RCBTB2: variants seen among roughly 807,000 people sequenced by gnomAD.
RCBTB2 encodes the protein RCC1 and BTB domain containing protein 2.
RCBTB2 carries 55 observed loss-of-function variants against 65.4 expected under a neutral mutation model. The ratio of observed to expected loss-of-function variants is 0.84; its 90% confidence interval spans 0.68 to 1.05. The LOEUF is 1.05. Among genes scored for constraint, RCBTB2 ranks in the 50% least tolerant of loss-of-function variants. The pLI is 0.00. For missense variants in RCBTB2, 599 were observed against 680.1 expected (o/e 0.88, Z 1.33); for synonymous variants, 220 against 255.2 (o/e 0.86, Z 1.31).
At chr13:48,526,970 T>C (rs532075768) in intron 1 of RCBTB2, among the ~76,000 whole-genome samples, 2 of 152,034 alleles carry the variant, frequency 1.3e-5, no homozygotes, top group African/African-American at 4.8e-5. Context: ...AAATAACATA[T>C]CCAATGAGTA....
At chr13:48,497,124 A>T (rs550101712) in intron 13 of RCBTB2, among the ~76,000 whole-genome samples, 1 of 152,268 alleles carries the variant, frequency 6.6e-6, no homozygotes, top group South Asian at 2.1e-4. Context: ...ACAGAATTTG[A>T]TATGGTTGAT....
intron 9 of RCBTB2, 93 bp downstream of exon 9, chr13:48,511,677 T>C (rs1950801874): frequency 1.8e-6 from 2 of 1,115,400 alleles, no homozygotes; most frequent in African/African-American, 3.2e-5. Flanking sequence ...GCTAAACTTT[T>C]CATCCTGCCA....
intron 14 of RCBTB2, among the ~76,000 whole-genome samples, chr13:48,491,396 AT>A (rs1949694579): frequency 6.6e-6 from 1 of 152,186 alleles, no homozygotes; most frequent in South Asian, 2.1e-4. Flanking sequence ...CAGCAATATG[AT>A]GTGTCTCTGT....
intron 12 of RCBTB2, among the ~76,000 whole-genome samples, chr13:48,500,330 C>T (rs1473166275): frequency 2.0e-5 from 3 of 152,176 alleles, no homozygotes; most frequent in African/African-American, 7.2e-5. Context: ...AAGGCCGAGG[C>T]GGGTGGATCA....
chr13:48,526,341 G>A (rs1461508228), intron 1 of RCBTB2, among the ~76,000 whole-genome samples: 2 of 152,042 alleles, frequency 1.3e-5, no homozygotes, highest in Non-Finnish European at 2.9e-5. Flanking sequence ...TTTGAGACTA[G>A]CCTGGGCAAC....
Position 48,532,747 on chromosome 13 carries a change from G to A in RCBTB2, c.-219+281C>T, listed in dbSNP as rs370374256. The A allele has an allele frequency of 1.3e-3, 396 of 299,300 alleles. 3 individuals are homozygous for A. Among genetic ancestry groups the A allele is most frequent in the South Asian group, 4.2e-3 (175 of 41,340 alleles). 18.5% of individuals were successfully genotyped at this position (299,300 alleles called of 1,614,324 possible). ...AGCAGCGCACCGGGCCCACGCCAGC[G>A]GAATTGCGCATGCGCAGGGCCGCCT... On this transcript the variant is annotated intron_variant, in intron 1 of 14. Transcript: ENST00000344532.
intron 1 of RCBTB2, among the ~76,000 whole-genome samples, chr13:48,526,352 A>G (rs1405142521): frequency 2.0e-5 from 3 of 152,082 alleles, no homozygotes; most frequent in Non-Finnish European, 4.4e-5. Flanking sequence ...CCTGGGCAAC[A>G]TAGGAAGACA....
chr13:48,496,627 A>G (rs973561998), intron 13 of RCBTB2, among the ~76,000 whole-genome samples: 1 of 151,364 alleles, frequency 6.6e-6, no homozygotes, highest in African/African-American at 2.4e-5. Flanking sequence ...TTCCCCTGCA[A>G]TCTCAATGTC....
chr13:48,491,722 A>G (rs1196795900), intron 14 of RCBTB2: 1 of 152,210 alleles, frequency 6.6e-6, no homozygotes, highest in African/African-American at 2.4e-5. Context: ...AGATCTGGAC[A>G]GCATCAGGAA....
chr13:48,531,049 A>C (rs1299979429), intron 1 of RCBTB2, among the ~76,000 whole-genome samples: 7 of 152,142 alleles, frequency 4.6e-5, no homozygotes, highest in Admixed American at 3.9e-4. Context: ...CTGCACTCCC[A>C]ATTCCCTTTC....
intron 2 of RCBTB2, among the ~76,000 whole-genome samples, chr13:48,522,755 G>A (rs1056641587): frequency 2.0e-5 from 3 of 152,126 alleles, no homozygotes; most frequent in African/African-American, 4.8e-5. Flanking sequence ...TCTAATTGAC[G>A]AGGTAGGGTC....
chr13:48,508,499 G>A (rs749721215), intron 10 of RCBTB2, among the ~76,000 whole-genome samples: 2 of 151,920 alleles, frequency 1.3e-5, no homozygotes, highest in Non-Finnish European at 2.9e-5. Context: ...CACTTCCTGG[G>A]GTCAAGGGAT....
chr13:48,526,397 G>A (rs1593805382), intron 1 of RCBTB2, among the ~76,000 whole-genome samples: 1 of 152,038 alleles, frequency 6.6e-6, no homozygotes, highest in Non-Finnish European at 1.5e-5. Flanking sequence ...TTAGCTACAC[G>A]TGGTAGTACA....
At chr13:48,491,607 A>G (rs1343380321) in intron 14 of RCBTB2, 1 of 152,254 alleles carries the variant, frequency 6.6e-6, no homozygotes, top group East Asian at 1.9e-4. Context: ...GAGATGCATC[A>G]TCTCTTTGGC....
intron 2 of RCBTB2, among the ~76,000 whole-genome samples, chr13:48,524,035 T>C (rs1277091105): frequency 6.6e-6 from 1 of 152,136 alleles, no homozygotes; most frequent in Non-Finnish European, 1.5e-5. Context: ...GATTTAAAAA[T>C]AAATCAAGAT....
At chr13:48,529,545 A>T (rs938115284) in intron 1 of RCBTB2, among the ~76,000 whole-genome samples, 11 of 152,226 alleles carry the variant, frequency 7.2e-5, no homozygotes, top group Non-Finnish European at 5.9e-5. Flanking sequence ...GCCAATTAGC[A>T]AGGCTGAAGA....
intron 13 of RCBTB2, among the ~76,000 whole-genome samples, chr13:48,496,687 C>T (rs2138422332): frequency 6.7e-6 from 1 of 150,122 alleles, no homozygotes; most frequent in African/African-American, 2.5e-5. Context: ...TGTAAGAGTG[C>T]CCGCCGTGAA....
intron 10 of RCBTB2, among the ~76,000 whole-genome samples, chr13:48,508,470 G>A (rs574755483): frequency 2.0e-5 from 3 of 151,130 alleles, no homozygotes; most frequent in Non-Finnish European, 2.9e-5. Flanking sequence ...GTGCAGTGTC[G>A]CGATCTCACT....
intron 3 of RCBTB2, 23 bp downstream of exon 3, chr13:48,522,285 A>G: frequency 7.0e-7 from 1 of 1,436,482 alleles, no homozygotes; most frequent in Non-Finnish European, 9.5e-7. Context: ...ACTTCCTGTG[A>G]TAAGGAAAAA....
Sources: gnomAD v4.1 joint callset for allele counts (sites outside exome capture counted in the v4.1 genomes callset) on GRCh38, gnomAD v4.1.1 for gene constraint, MANE v1.5 for transcripts, NCBI Gene and HGNC (gene_info 2026-07-23, HGNC 2026-07-21) for gene names.